Variants in LHFPL3 observed in about 807,000 individuals in gnomAD.
LHFPL3 encodes the protein LHFPL tetraspan subfamily member 3 protein.
In LHFPL3, 5 loss-of-function variants were observed where a neutral mutation model predicts 19.3. The ratio of observed to expected loss-of-function variants is 0.26; its 90% CI spans 0.14 to 0.54. The LOEUF (loss-of-function observed/expected upper bound fraction) is 0.54, where lower values mean the gene tolerates loss of function less well. Ranked by LOEUF, LHFPL3 falls within the 20% of genes least tolerant of loss-of-function variation. The probability of loss-of-function intolerance (pLI) is 0.94; values close to 1 mark genes in which losing one functional copy is unlikely to be tolerated. For missense variants in LHFPL3, 249 were observed against 307.4 expected, an observed-to-expected ratio of 0.81 and a Z score of 1.42; for synonymous variants, 133 against 126.2, an observed-to-expected ratio of 1.05 and a Z score of -0.36.
At chr7:104,756,884 T>C (rs1234217504) in intron 2 of LHFPL3, among the ~76,000 whole-genome samples, 7 of 152,230 alleles carry the variant, frequency 4.6e-5, no homozygotes, top group Non-Finnish European at 1.5e-5. Context: ...CTGACAACTT[T>C]TTTCACTACT....
chr7:104,818,608 T>C lies in LHFPL3; in HGVS notation c.682+81697T>C, dbSNP rs544966628. Among the ~76,000 whole-genome samples, 224 of 152,300 alleles carry C rather than the reference T, an allele frequency of 1.5e-3. 1 individual carries two copies. The highest frequency in any genetic ancestry group is 2.5e-3 in the Non-Finnish European group (168 of 68,028). ...TGACCCTGGGGTAAACATATCATTA[T>C]GGACTCAAGTTTATAAGTAAAATAA... On this transcript the variant is annotated intron_variant, in intron 2 of 2. Transcript: ENST00000424859.
intron 1 of LHFPL3, among the ~76,000 whole-genome samples, chr7:104,519,244 C>A (rs372268038): frequency 6.6e-6 from 1 of 151,944 alleles, no homozygotes; most frequent in East Asian, 1.9e-4. Context: ...AGGATTGGGG[C>A]CTTTGAGGGA....
At chr7:104,748,523 G>A (rs1472840486) in intron 2 of LHFPL3, among the ~76,000 whole-genome samples, 7 of 135,046 alleles carry the variant, frequency 5.2e-5, no homozygotes, top group African/African-American at 1.6e-4. Context: ...TGGGACCTGC[G>A]GGCAGCAATA....
At chr7:104,836,399 A>G (rs1791096263) in intron 2 of LHFPL3, among the ~76,000 whole-genome samples, 4 of 152,108 alleles carry the variant, frequency 2.6e-5, no homozygotes, top group Middle Eastern at 3.2e-3. Context: ...GCTTTCTTCT[A>G]TTGTCACTGG....
At chr7:104,726,973 T>C (rs544697794) in intron 1 of LHFPL3, among the ~76,000 whole-genome samples, 32 of 152,354 alleles carry the variant, frequency 2.1e-4, no homozygotes. Flanking sequence ...TTCCTATTTC[T>C]CCACAGCCTC....
Position 104,830,666 on chromosome 7 carries a change from G to A in LHFPL3, c.683-75521G>A, listed in dbSNP as rs184987239. Among the ~76,000 whole-genome samples, 48 of 151,882 alleles carry A rather than the reference G, an allele frequency of 3.2e-4. 1 individual carries two copies. The East Asian group carries it at 4.6e-3, about 15-fold the overall frequency. On this transcript the variant is annotated intron_variant, in intron 2 of 2. Transcript: ENST00000424859. ...GTAGACAAGTGGCATTATTTCTGAG[G>A]GCTCTGTTCTGTTCCATTAATCTAT...
chr7:104,713,486 G>C (rs1584493002), intron 1 of LHFPL3, among the ~76,000 whole-genome samples: 1 of 152,140 alleles, frequency 6.6e-6, no homozygotes, highest in South Asian at 2.1e-4. Context: ...AGAGAAGGGG[G>C]AGGTGCTACA....
intron 2 of LHFPL3, among the ~76,000 whole-genome samples, chr7:104,798,912 A>G (rs1287988099): frequency 1.3e-5 from 2 of 152,212 alleles, no homozygotes; most frequent in Non-Finnish European, 2.9e-5. Flanking sequence ...CACAACAGAA[A>G]TGAATTATGT....
chr7:104,603,124 TTCTTTC>T (rs1791014031), intron 1 of LHFPL3, among the ~76,000 whole-genome samples: 3 of 136,302 alleles, frequency 2.2e-5, no homozygotes, highest in African/African-American at 8.9e-5. Context: ...CTTTCTTTCT[TTCTTTC>T]TTTTTTCCCT....
chr7:104,631,370 C>T (rs1791638916), intron 1 of LHFPL3, among the ~76,000 whole-genome samples: 1 of 152,046 alleles, frequency 6.6e-6, no homozygotes, highest in African/African-American at 2.4e-5. Flanking sequence ...TCTACCCCCT[C>T]CAGAAATCCC....
At chr7:104,840,427 G>A (rs937804337) in intron 2 of LHFPL3, among the ~76,000 whole-genome samples, 68 of 148,172 alleles carry the variant, frequency 4.6e-4, no homozygotes, top group Middle Eastern at 3.5e-3. Flanking sequence ...TCAGCCTCCG[G>A]AGTAGCTGGG....
At chr7:104,428,746 C>T (rs1791895095) in intron 1 of LHFPL3, among the ~76,000 whole-genome samples, 1 of 152,006 alleles carries the variant, frequency 6.6e-6, no homozygotes, top group African/African-American at 2.4e-5. Context: ...TTTATTTTCC[C>T]TTATTTAGAA....
intron 1 of LHFPL3, among the ~76,000 whole-genome samples, chr7:104,563,026 A>T (rs557144261): frequency 3.5e-5 from 5 of 144,718 alleles, no homozygotes; most frequent in African/African-American, 1.3e-4. Flanking sequence ...ACTTGAGGAG[A>T]CAGTCTGCCC....
intron 1 of LHFPL3, among the ~76,000 whole-genome samples, chr7:104,517,801 C>G (rs556735518): frequency 1.3e-5 from 2 of 152,126 alleles, no homozygotes; most frequent in African/African-American, 4.8e-5. Context: ...AGTGACCATG[C>G]CCGGACAATT....
At chr7:104,666,724 T>G (rs1792360815) in intron 1 of LHFPL3, among the ~76,000 whole-genome samples, 1 of 150,934 alleles carries the variant, frequency 6.6e-6, no homozygotes, top group African/African-American at 2.4e-5. Flanking sequence ...GGTTTCACCG[T>G]TTTTAGCCGG....
chr7:104,586,581 A>G (rs966064927), intron 1 of LHFPL3, among the ~76,000 whole-genome samples: 1 of 152,156 alleles, frequency 6.6e-6, no homozygotes, highest in African/African-American at 2.4e-5. Context: ...CCCCTTTCTT[A>G]AAAGTTGGCA....
intron 1 of LHFPL3, among the ~76,000 whole-genome samples, chr7:104,615,942 A>T (rs555149312): frequency 6.6e-6 from 1 of 152,300 alleles, no homozygotes; most frequent in East Asian, 1.9e-4. Flanking sequence ...GATGTGAAGG[A>T]TCTCTTCAAG....
intron 1 of LHFPL3, among the ~76,000 whole-genome samples, chr7:104,372,252 G>A (rs111944670): frequency 0.011 from 1,660 of 152,256 alleles, 41 homozygotes; most frequent in African/African-American, 0.038. Context: ...CCATGTATAC[G>A]TTACCTTTTA....
chr7:104,601,946 G>T (rs1255684481), intron 1 of LHFPL3, among the ~76,000 whole-genome samples: 1 of 151,248 alleles, frequency 6.6e-6, no homozygotes, highest in Non-Finnish European at 1.5e-5. Context: ...ACGGTTTGAT[G>T]GTTGACTTTC....
Sources: gnomAD v4.1 joint callset for allele counts (sites outside exome capture counted in the v4.1 genomes callset) on GRCh38, gnomAD v4.1.1 for gene constraint, MANE v1.5 for transcripts, NCBI Gene and HGNC (gene_info 2026-07-23, HGNC 2026-07-21) for gene names.